Variants in B9D1 observed in about 807,000 individuals in gnomAD.
The protein encoded by B9D1 is B9 domain containing 1.
In B9D1, 20 loss-of-function variants were observed where a neutral mutation model predicts 26.1. That is an observed-to-expected ratio of 0.77 (90% CI 0.54 to 1.12). The LOEUF is 1.12. B9D1 is among the 50% of genes most tolerant of loss of function. B9D1 has a pLI of 0.00. For missense variants in B9D1, 260 were observed against 273.7 expected, an observed-to-expected ratio of 0.95 and a Z score of 0.35; for synonymous variants, 105 against 103.1, an observed-to-expected ratio of 1.02 and a Z score of -0.11.
At chr17:19,374,120 A>T (rs1912008552) in intron 1 of B9D1, among the ~76,000 whole-genome samples, 1 of 152,184 alleles carries the variant, frequency 6.6e-6, no homozygotes, top group Non-Finnish European at 1.5e-5. Flanking sequence ...CTTTTCCTGA[A>T]ACACATGTCA....
At position 19,372,825 on chromosome 17, in the gene B9D1, G is replaced by A. The variant is rs1483613292; in HGVS notation, c.-298+5034C>T. On this transcript the variant is annotated intron_variant, in intron 1 of 5. Coordinates refer to the B9D1 transcript ENST00000477478. This position sits in a 1 kb window ranked among gnomAD's most constrained non-coding sequence, Gnocchi z 4.4. The stretch of plus-strand genomic sequence containing the variant: ...AGGGAGGCAGTAACATCAGCAGAGC[G>A]GCACCCTGCTCGGACAATTCACCTG... 7.9e-5 allele frequency among the ~76,000 whole-genome samples: 12 copies of A among 152,200 alleles called. No homozygotes were observed. Among genetic ancestry groups the A allele is most frequent in the South Asian group, 6.2e-4 (3 of 4,826 alleles).
At chr17:19,369,810 T>C (rs1312366614) in intron 1 of B9D1, among the ~76,000 whole-genome samples, 1 of 152,144 alleles carries the variant, frequency 6.6e-6, no homozygotes, top group Non-Finnish European at 1.5e-5. Flanking sequence ...AGGTGGAAGA[T>C]GGAGATTCAC....
chr17:19,342,383 G>T (rs1286760780), downstream of B9D1, among the ~76,000 whole-genome samples: 5 of 152,172 alleles, frequency 3.3e-5, no homozygotes, highest in Non-Finnish European at 5.9e-5. Flanking sequence ...ACAGTCCAGG[G>T]CAACATGGGC....
At chr17:19,375,880 C>A (rs1912075254) in intron 1 of B9D1, among the ~76,000 whole-genome samples, 1 of 152,042 alleles carries the variant, frequency 6.6e-6, no homozygotes, top group Non-Finnish European at 1.5e-5. Context: ...ACCATGTGAC[C>A]CAGCAATCCC....
chr17:19,363,993 A>C (rs961112747), upstream of B9D1, among the ~76,000 whole-genome samples: 4 of 152,152 alleles, frequency 2.6e-5, no homozygotes, highest in African/African-American at 9.7e-5. Context: ...AGAGGGGGTC[A>C]TACTCCCTTC....
chr17:19,371,635 T>C (rs994916474), intron 1 of B9D1: 1 of 152,380 alleles, frequency 6.6e-6, no homozygotes, highest in African/African-American at 2.4e-5. Flanking sequence ...GCAATACCCC[T>C]GTTGGGAAGA....
rs1598058749 is a variant in B9D1, at chr17:19,347,904, T to G, written c.245-24A>C. 1 of 1,605,592 alleles carries G rather than the reference T, an allele frequency of 6.2e-7. No individual in the cohort carries two copies. Among genetic ancestry groups the G allele is most frequent in the South Asian group, 1.1e-5 (1 of 90,804 alleles). ...CCCTTGGGAAGGACAAGGCAGGGGG[T>G]GGGCACATGAGGACACACAGGGGAG... On this transcript the variant is annotated intron_variant, in intron 3 of 6. Transcript: ENST00000261499. The surrounding 1 kb of genome is among the most constrained non-coding windows in gnomAD (Gnocchi z 4.3).
intron 3 of B9D1, among the ~76,000 whole-genome samples, chr17:19,353,723 T>C (rs1024786733): frequency 6.6e-6 from 1 of 152,058 alleles, no homozygotes; most frequent in African/African-American, 2.4e-5. Context: ...GGCGGATCAT[T>C]TGAGGTCAGG....
chr17:19,355,731 G>C (rs1423043397), intron 3 of B9D1, among the ~76,000 whole-genome samples: 1 of 152,084 alleles, frequency 6.6e-6, no homozygotes, highest in Non-Finnish European at 1.5e-5. Flanking sequence ...CTACTCGAGA[G>C]GCTGAGGCAG....
At chr17:19,364,574 T>G (rs1911473244), upstream of B9D1, 1 of 152,286 alleles carries the variant, frequency 6.6e-6, no homozygotes, top group Admixed American at 6.5e-5. This position sits in a 1 kb window ranked among gnomAD's most constrained non-coding sequence, Gnocchi z 4.3. Context: ...CAGGACACTC[T>G]GCAGCTCTTG....
intron 3 of B9D1, 190 bp downstream of exon 3, chr17:19,357,650 G>T: frequency 1.6e-6 from 1 of 638,874 alleles, no homozygotes; most frequent in Non-Finnish European, 2.9e-6. Flanking sequence ...GCAGATGAAG[G>T]GGGTGAGTGG....
chr17:19,368,554 A>G (rs985722925), intron 1 of B9D1, among the ~76,000 whole-genome samples: 6 of 152,206 alleles, frequency 3.9e-5, no homozygotes, highest in African/African-American at 1.4e-4. Flanking sequence ...TGGTCTCCAC[A>G]GTGAAGATGA....
At chr17:19,338,921 A>G (rs1459521203), downstream of B9D1, among the ~76,000 whole-genome samples, 1 of 152,190 alleles carries the variant, frequency 6.6e-6, no homozygotes, top group African/African-American at 2.4e-5. Context: ...TTTTGGGGTA[A>G]TTTGTTACAC....
chr17:19,364,876 G>C (rs1911503134), upstream of B9D1, among the ~76,000 whole-genome samples: 1 of 152,248 alleles, frequency 6.6e-6, no homozygotes. The surrounding 1 kb of genome is among the most constrained non-coding windows in gnomAD (Gnocchi z 4.3). Flanking sequence ...GGGCAGGGGT[G>C]AGGCTGGAAG....
chr17:19,344,756 G>A (rs1426139400), intron 5 of B9D1, among the ~76,000 whole-genome samples: 3 of 152,238 alleles, frequency 2.0e-5, no homozygotes, highest in South Asian at 2.1e-4. Context: ...CACCTGGGGC[G>A]GCTGCAGAGG....
intron 5 of B9D1, among the ~76,000 whole-genome samples, chr17:19,345,147 G>T (rs1807066753): frequency 2.0e-5 from 3 of 152,164 alleles, no homozygotes; most frequent in African/African-American, 7.2e-5. Context: ...GCTGTTCTGG[G>T]AGAGCATTCC....
chr17:19,351,716 T>C (rs1473652620), intron 3 of B9D1, among the ~76,000 whole-genome samples: 1 of 152,236 alleles, frequency 6.6e-6, no homozygotes, highest in Non-Finnish European at 1.5e-5. Context: ...ACTACTCAGA[T>C]TCTTATTCCT....
chr17:19,364,777 CTT>C (rs1482128985), upstream of B9D1, among the ~76,000 whole-genome samples: 1 of 152,246 alleles, frequency 6.6e-6, no homozygotes. The surrounding 1 kb of genome is among the most constrained non-coding windows in gnomAD (Gnocchi z 4.3). Context: ...CCACCTCACT[CTT>C]AGTACAGCTC....
intron 1 of B9D1, 87 bp downstream of exon 1, chr17:19,362,420 G>C (rs1015252200): frequency 1.0e-5 from 10 of 975,600 alleles, no homozygotes; most frequent in Non-Finnish European, 1.3e-5. Context: ...GTGGCTCTCC[G>C]GGGGCCACAG....
Sources: gnomAD v4.1 joint callset for allele counts (sites outside exome capture counted in the v4.1 genomes callset) on GRCh38, gnomAD v4.1.1 for gene constraint, Gnocchi (gnomAD v3.1) non-coding constraint, MANE v1.5 for transcripts, NCBI Gene and HGNC (gene_info 2026-07-23, HGNC 2026-07-21) for gene names.